The following WBP2NL variants were observed in gnomAD, a reference collection of about 807,000 sequenced individuals.
WBP2NL encodes postacrosomal sheath WW domain-binding protein.
In WBP2NL, 27 loss-of-function variants were observed where a neutral mutation model predicts 23.3. The ratio of observed to expected loss-of-function variants is 1.16; its 90% confidence interval spans 0.85 to 1.60. The LOEUF (loss-of-function observed/expected upper bound fraction) is 1.60. Ranked by LOEUF, WBP2NL falls within the 40% of genes most tolerant of loss-of-function variation. The probability of loss-of-function intolerance (pLI) is 0.00; values close to 1 mark genes in which losing one functional copy is unlikely to be tolerated. For synonymous variants in WBP2NL, 151 were observed against 145.9 expected (o/e 1.03, Z -0.25); for missense variants, 370 against 389.5 (o/e 0.95, Z 0.42).
chr22:42,008,970 G>A (rs1028710817), intron 1 of WBP2NL, among the ~76,000 whole-genome samples: 13 of 152,060 alleles, frequency 8.5e-5, no homozygotes, highest in Non-Finnish European at 1.8e-4. Context: ...TAGTAGAGAC[G>A]GGGTTTCACC....
intron 1 of WBP2NL, among the ~76,000 whole-genome samples, chr22:42,004,848 T>G (rs1429212174): frequency 1.3e-5 from 2 of 151,854 alleles, no homozygotes; most frequent in Non-Finnish European, 2.9e-5. Flanking sequence ...CGCTTGAACC[T>G]GAGAGGCTGA....
chr22:42,010,327 G>T (rs954586332), intron 1 of WBP2NL, among the ~76,000 whole-genome samples: 1 of 152,084 alleles, frequency 6.6e-6, no homozygotes, highest in Non-Finnish European at 1.5e-5. Flanking sequence ...CTCTGGCTAG[G>T]ACTTCCAATA....
In WBP2NL at chr22:42,028,016, T is replaced by A. The variant is rs532899235; in HGVS notation, c.*835T>A. ...TCCAAAGATTTACAAATATTAAAAC[T>A]CTTGATATGGCACTTTCACATTTTA... On this transcript the variant is annotated 3_prime_UTR_variant, in exon 6 of 6. Coordinates refer to ENST00000328823, the MANE Select transcript of WBP2NL (RefSeq NM_152613.3). 1 of 398,364 alleles carries A rather than the reference T, an allele frequency of 2.5e-6. No individual in the cohort carries two copies. The highest frequency in any genetic ancestry group is 4.4e-5 in the Admixed American group (1 of 22,702). The allele number at this position is 398,364 out of a possible 1,614,324, so 24.7% of individuals were successfully genotyped here.
intron 8 of WBP2NL, among the ~76,000 whole-genome samples, chr22:42,047,604 CA>C (rs369361777): frequency 7.0e-6 from 1 of 142,552 alleles, no homozygotes; most frequent in Non-Finnish European, 1.5e-5. Context: ...CCCCGCCTCC[CA>C]AAAAAAACCA....
intron 1 of WBP2NL, among the ~76,000 whole-genome samples, chr22:42,000,370 C>G (rs1921510390): frequency 6.6e-6 from 1 of 152,200 alleles, no homozygotes; most frequent in South Asian, 2.1e-4. Flanking sequence ...CCCGTGAGCA[C>G]TTACTGAGAG....
At chr22:42,021,434 AC>A (rs1433608068) in intron 4 of WBP2NL, among the ~76,000 whole-genome samples, 3 of 151,878 alleles carry the variant, frequency 2.0e-5, no homozygotes, top group Non-Finnish European at 4.4e-5. Context: ...TGTGACTGTT[AC>A]GTTATTTGTA....
intron 5 of WBP2NL, among the ~76,000 whole-genome samples, chr22:42,025,448 C>T (rs1924391223): frequency 6.6e-6 from 1 of 152,182 alleles, no homozygotes; most frequent in Non-Finnish European, 1.5e-5. Flanking sequence ...GATTGGCCAC[C>T]TCTGTTTTAT....
intron 1 of WBP2NL, among the ~76,000 whole-genome samples, chr22:42,010,134 A>G (rs1170304106): frequency 2.6e-5 from 4 of 152,304 alleles, no homozygotes; most frequent in South Asian, 4.1e-4. Flanking sequence ...AAATGCAACT[A>G]TATTTGTGGG....
downstream of WBP2NL, among the ~76,000 whole-genome samples, chr22:42,034,255 G>A (rs548624049): frequency 3.3e-5 from 5 of 152,318 alleles, no homozygotes; most frequent in South Asian, 2.1e-4. Flanking sequence ...CAATAATCAC[G>A]TAGGTTCTTT....
chr22:41,998,941 C>A, intron 1 of WBP2NL, 61 bp downstream of exon 1: 1 of 1,532,266 alleles, frequency 6.5e-7, no homozygotes, highest in Non-Finnish European at 8.9e-7. Flanking sequence ...ATAGACATGG[C>A]GGCTCGCAAA....
intron 4 of WBP2NL, among the ~76,000 whole-genome samples, chr22:42,020,868 GTATATATATATATATATATATATA>G (rs1335645142): frequency 2.6e-4 from 4 of 15,248 alleles, no homozygotes; most frequent in Non-Finnish European, 4.0e-4. Flanking sequence ...GTGTGTGTGT[GTATATATATATATATATATATATA>G]TATATATATA....
intron 8 of WBP2NL, chr22:42,058,254 T>C (rs111353970): frequency 5.3e-5 from 8 of 152,044 alleles, no homozygotes; most frequent in Admixed American, 2.0e-4. Context: ...GTTAGAGACA[T>C]AGTGGTTTTT....
chr22:42,047,287 A>G (rs1049821467), intron 8 of WBP2NL, among the ~76,000 whole-genome samples: 13 of 151,276 alleles, frequency 8.6e-5, no homozygotes, highest in South Asian at 6.2e-4. Context: ...AAAAAAAAAA[A>G]AAAGAAAATC....
At chr22:42,000,983 A>T in intron 1 of WBP2NL, 1 of 477,206 alleles carries the variant, frequency 2.1e-6, no homozygotes, top group Non-Finnish European at 3.8e-6. Context: ...ATAGAGGGAG[A>T]CTCCGTCTCA....
At chr22:42,021,592 A>G (rs1569450332) in intron 4 of WBP2NL, among the ~76,000 whole-genome samples, 1 of 152,192 alleles carries the variant, frequency 6.6e-6, no homozygotes, top group East Asian at 1.9e-4. Context: ...TTTCTTCGGT[A>G]CCACACTTCC....
In WBP2NL at chr22:42,019,760, T is replaced by C. The variant is rs1923706012; in HGVS notation, c.270T>C (p.Phe90=). 1 of 1,614,116 alleles carries C rather than the reference T, an allele frequency of 6.2e-7. No homozygotes were observed. The highest frequency in any genetic ancestry group is 1.1e-5 in the South Asian group (1 of 91,090). ...MTNLTVEQPV[F]AANFIKGTIQ... is the part of the protein sequence containing the mutation. ...ACCTCACTGTTGAACAACCAGTATT[T>C]GCTGCAAACTTCATTAAGGGAACTA... is the stretch of plus-strand genomic sequence containing the variant. The change falls in exon 3 of 6, where the codon TTT becomes TTC. Residue 90 remains phenylalanine, a synonymous_variant. Coordinates refer to ENST00000328823, the MANE Select transcript of WBP2NL (RefSeq NM_152613.3).
At chr22:42,047,558 G>C (rs1569454756) in intron 8 of WBP2NL, among the ~76,000 whole-genome samples, 1 of 150,584 alleles carries the variant, frequency 6.6e-6, no homozygotes, top group Non-Finnish European at 1.5e-5. Context: ...CCACTGCACA[G>C]AGCGAGTCTC....
intron 1 of WBP2NL, among the ~76,000 whole-genome samples, chr22:42,004,781 T>A (rs1338058856): frequency 6.6e-6 from 1 of 151,260 alleles, no homozygotes; most frequent in Non-Finnish European, 1.5e-5. Context: ...AAAAATTAGC[T>A]GGGTGTGGTG....
chr22:42,022,219 G>C, intron 4 of WBP2NL, 30 bp from the exon 5 acceptor site: 2 of 1,575,740 alleles, frequency 1.3e-6, no homozygotes, highest in African/African-American at 1.3e-5. Context: ...AATTAAAAGA[G>C]TTCCTATTTT....
Sources: gnomAD v4.1 joint callset for allele counts (sites outside exome capture counted in the v4.1 genomes callset) on GRCh38, gnomAD v4.1.1 for gene constraint, MANE v1.5 for transcripts, NCBI Gene and HGNC (gene_info 2026-07-23, HGNC 2026-07-21) for gene names.